Variants in NEXN observed in about 807,000 individuals in gnomAD.
NEXN encodes nexilin F-actin binding protein.
A neutral mutation model predicts 92.6 loss-of-function variants in NEXN; 65 were observed. That is an observed-to-expected ratio of 0.70 (90% confidence interval 0.57 to 0.86). The LOEUF (loss-of-function observed/expected upper bound fraction) is 0.86, where lower values mean the gene tolerates loss of function less well. Ranked by LOEUF, NEXN falls within the 40% of genes least tolerant of loss-of-function variation. The pLI, the probability that NEXN is intolerant of heterozygous loss-of-function variation, is 0.00. For missense variants in NEXN, 778 were observed against 771.1 expected (o/e 1.01, Z -0.11); for synonymous variants, 254 against 242.5 (o/e 1.05, Z -0.44).
rs1254378410 is a variant in NEXN at position 77,897,262 on chromosome 1, A to G, written c.-53+8503A>G. On this transcript the variant is annotated intron_variant, in intron 1 of 12. Transcript: ENST00000334785. Reference sequence around the variant, plus strand: ...GAACATTGATGCAAAAATCCTCAATAAAATACTGGCAAACTGAATCCAGCA... The same window carrying G: ...GAACATTGATGCAAAAATCCTCAATGAAATACTGGCAAACTGAATCCAGCA... 3.3e-5 allele frequency among the ~76,000 whole-genome samples: 5 copies of G among 152,250 alleles called. No individual in the cohort carries two copies. In the East Asian group the frequency reaches 9.6e-4, roughly 29 times the overall value.
At chr1:77,922,601 C>CTTT (rs570526406) in intron 5 of NEXN, among the ~76,000 whole-genome samples, 1 of 140,362 alleles carries the variant, frequency 7.1e-6, no homozygotes, top group African/African-American at 2.6e-5. Context: ...CAAAATTATT[C>CTTT]TTTTTTTTTT....
At chr1:77,910,562 C>T (rs1406906755) in intron 1 of NEXN, among the ~76,000 whole-genome samples, 2 of 151,588 alleles carry the variant, frequency 1.3e-5, no homozygotes, top group Non-Finnish European at 2.9e-5. Context: ...ATCAGCCTGG[C>T]CAACATAGTG....
chr1:77,928,714 T>A (rs537214719), intron 8 of NEXN, among the ~76,000 whole-genome samples: 2 of 152,282 alleles, frequency 1.3e-5, no homozygotes, highest in South Asian at 4.1e-4. Context: ...GAACATTATT[T>A]TACTACCAAA....
chr1:77,928,318 A>C (rs1455034588), intron 8 of NEXN, among the ~76,000 whole-genome samples: 1 of 151,924 alleles, frequency 6.6e-6, no homozygotes, highest in Non-Finnish European at 1.5e-5. Context: ...CTCAAAAAAA[A>C]AAAAAAAGGA....
chr1:77,900,227 G>A (rs1247747720), intron 1 of NEXN, among the ~76,000 whole-genome samples: 1 of 151,834 alleles, frequency 6.6e-6, no homozygotes, highest in East Asian at 1.9e-4. Flanking sequence ...CTTTTTCCTG[G>A]ATGCCTTTAC....
At chr1:77,897,533 A>G (rs1207108447) in intron 1 of NEXN, among the ~76,000 whole-genome samples, 2 of 152,174 alleles carry the variant, frequency 1.3e-5, no homozygotes, top group Admixed American at 6.5e-5. Context: ...GCTATCTATG[A>G]CAAACCCACA....
intron 9 of NEXN, among the ~76,000 whole-genome samples, chr1:77,931,351 TGCAGTGAGCCAAGATCTC>T (rs1454607782): frequency 3.7e-5 from 5 of 136,840 alleles, no homozygotes; most frequent in Admixed American, 2.5e-4. Flanking sequence ...AGGCGGAGCT[TGCAGTGAGCCAAGATCTC>T]GCCACTGCAC....
At chr1:77,896,175 A>C (rs1647243246) in intron 1 of NEXN, among the ~76,000 whole-genome samples, 1 of 151,166 alleles carries the variant, frequency 6.6e-6, no homozygotes, top group Admixed American at 6.6e-5. Flanking sequence ...TGTCTCAATA[A>C]ATAAATAAAT....
intron 1 of NEXN, among the ~76,000 whole-genome samples, chr1:77,912,408 A>C (rs1024771538): frequency 1.3e-5 from 2 of 152,176 alleles, no homozygotes; most frequent in African/African-American, 4.8e-5. Flanking sequence ...AATCCCAATC[A>C]AAATCCCAGC....
chr1:77,942,786 C>G lies in NEXN; in HGVS notation c.1985C>G (p.Ser662Cys), dbSNP rs1651493969. The G allele has an allele frequency of 1.9e-6, 3 of 1,612,568 alleles. No individual in the cohort carries two copies. The highest frequency in any genetic ancestry group is 2.5e-6 in the Non-Finnish European group (3 of 1,179,172). ...YMCKAVNNKG[S>C]AASTCILTIE... ...TGTAAAGCAGTCAACAATAAAGGAT[C>G]TGCAGCTAGTACCTGTATTCTTACC... The change falls in exon 13 of 13, where the codon TCT (serine) becomes TGT (cysteine). Residue 662 changes from serine to cysteine, a missense_variant. Ser to Cys is a moderately radical substitution (Grantham distance 112). Around this residue, in one of 3 missense-constraint regions of NEXN, gnomAD observed 532 missense variants for 476.7 expected, o/e 1.12. Coordinates refer to ENST00000334785, the MANE Select transcript of NEXN (RefSeq NM_144573.4).
intron 1 of NEXN, among the ~76,000 whole-genome samples, chr1:77,900,569 T>G (rs1647620315): frequency 6.6e-6 from 1 of 152,184 alleles, no homozygotes; most frequent in South Asian, 2.1e-4. Context: ...CTGTCAAATT[T>G]GAAAAAATGC....
intron 10 of NEXN, among the ~76,000 whole-genome samples, chr1:77,934,689 A>T (rs1433838065): frequency 6.6e-6 from 1 of 152,100 alleles, no homozygotes; most frequent in Non-Finnish European, 1.5e-5. Flanking sequence ...AGCAGAAGAG[A>T]AAGGTAGAAT....
intron 1 of NEXN, among the ~76,000 whole-genome samples, chr1:77,892,858 T>G (rs1647139442): frequency 6.6e-6 from 1 of 151,980 alleles, no homozygotes. Flanking sequence ...CCTAGGATCT[T>G]GTAAATAATC....
Position 77,943,156 on chromosome 1 carries a change from A to T in NEXN, c.*327A>T. ...TAAAATGTACTTATGGGGGGGAATT[A>T]CTCAATTATTCTATCAGAACCTATT... is the stretch of plus-strand genomic sequence containing the variant. On this transcript the variant is annotated 3_prime_UTR_variant, in exon 13 of 13. Transcript: ENST00000334785. 1 of 345,254 alleles carries T rather than the reference A, an allele frequency of 2.9e-6. No individual in the cohort carries two copies. The highest frequency in any genetic ancestry group is 7.1e-5 in the East Asian group (1 of 14,148). 21.4% of individuals were successfully genotyped at this position (345,254 alleles called of 1,614,324 possible). A position where few individuals can be genotyped will look rare whatever the true frequency, so the allele number is the denominator to read the frequency against.
Position 77,942,040 on chromosome 1 carries a change from T to C in NEXN, c.1491T>C (p.Val497=), listed in dbSNP as rs748689028. 1 of 1,613,114 alleles carries C rather than the reference T, an allele frequency of 6.2e-7. No homozygotes were observed. Among genetic ancestry groups the C allele is most frequent in the Non-Finnish European group, 8.5e-7 (1 of 1,179,388 alleles). Residue 497 remains valine (V), a synonymous_variant, in exon 12 of 13, where the codon GTT becomes GTC. Transcript: ENST00000334785. ...ENFHEEDDVD[V]RPARKSEAPF... ...TCTTGCAGGAAGATGATGTTGATGT[T>C]AGGCCTGCAAGAAAAAGCGAGGCTC...
chr1:77,927,022 C>A, intron 8 of NEXN, 130 bp downstream of exon 8: 1 of 1,242,676 alleles, frequency 8.0e-7, no homozygotes, highest in Non-Finnish European at 1.1e-6. Flanking sequence ...ATTCATATTT[C>A]ATATATAAAA....
Position 77,942,019 on chromosome 1 carries a change from G to A in NEXN, c.1474-4G>A. The stretch of plus-strand genomic sequence containing the variant: ...ATTGTTAATCTTGGCCCACTTTCTT[G>A]CAGGAAGATGATGTTGATGTTAGGC... On this transcript the variant is annotated splice_region_variant and splice_polypyrimidine_tract_variant and intron_variant, in intron 11 of 12. Transcript: ENST00000334785. 1 of 1,611,600 alleles carries A rather than the reference G, an allele frequency of 6.2e-7. No individual in the cohort carries two copies. Among genetic ancestry groups the A allele is most frequent in the Non-Finnish European group, 8.5e-7 (1 of 1,178,568 alleles).
chr1:77,912,405 A>G (rs1348928235), intron 1 of NEXN, among the ~76,000 whole-genome samples: 1 of 152,162 alleles, frequency 6.6e-6, no homozygotes. Context: ...TGCAATCCCA[A>G]TCAAAATCCC....
chr1:77,917,500 T>C, intron 2 of NEXN, 66 bp from the exon 3 acceptor site: 7 of 1,136,670 alleles, frequency 6.2e-6, no homozygotes, highest in Non-Finnish European at 9.2e-6. Context: ...TATTCTTATC[T>C]ATCTTTACCT....
Sources: allele counts gnomAD v4.1 joint callset (sites outside exome capture counted in the v4.1 genomes callset), GRCh38; gene constraint gnomAD v4.1.1; regional missense constraint gnomAD v4.1.1; transcripts MANE v1.5; gene names NCBI Gene and HGNC (gene_info 2026-07-23, HGNC 2026-07-21).